The following MIR2052HG variants were observed in gnomAD, a reference collection of about 807,000 sequenced individuals.
The protein encoded by MIR2052HG is MIR2052 host gene.
chr8:74,725,496 C>T (rs911501971), intron 4 of MIR2052HG, among the ~76,000 whole-genome samples: 4 of 152,188 alleles, frequency 2.6e-5, no homozygotes, highest in Admixed American at 6.5e-5. Context: ...GGCTACTTGA[C>T]AGAGTTAGAA....
intron 4 of MIR2052HG, chr8:74,752,355 C>T: frequency 2.6e-6 from 1 of 380,384 alleles, no homozygotes; most frequent in Non-Finnish European, 5.2e-6. Context: ...AGGCATAGGT[C>T]TCAATTAAAA....
intron 2 of MIR2052HG, among the ~76,000 whole-genome samples, chr8:74,651,290 CTAT>C (rs909964986): frequency 3.7e-4 from 56 of 152,056 alleles, no homozygotes; most frequent in African/African-American, 1.2e-3. Flanking sequence ...TCAAAAACCT[CTAT>C]TCTCTTTAAG....
intron 4 of MIR2052HG, among the ~76,000 whole-genome samples, chr8:74,713,888 T>A (rs1421429300): frequency 6.6e-6 from 1 of 152,104 alleles, no homozygotes; most frequent in Non-Finnish European, 1.5e-5. Flanking sequence ...AAGAGATCAA[T>A]CTTAAGTTGG....
At chr8:74,734,379 A>G (rs1809725823) in intron 4 of MIR2052HG, among the ~76,000 whole-genome samples, 1 of 152,220 alleles carries the variant, frequency 6.6e-6, no homozygotes, top group Admixed American at 6.5e-5. Context: ...TATTTCTATA[A>G]TTCTCAAATG....
chr8:74,668,496 T>C (rs980089334), intron 2 of MIR2052HG, among the ~76,000 whole-genome samples: 1 of 152,190 alleles, frequency 6.6e-6, no homozygotes, highest in Non-Finnish European at 1.5e-5. Context: ...CTGTGTCACA[T>C]AGTTGTAAGA....
At chr8:74,707,130 A>G (rs1326718811) in intron 4 of MIR2052HG, among the ~76,000 whole-genome samples, 1 of 152,132 alleles carries the variant, frequency 6.6e-6, no homozygotes. Context: ...AGAATTTGTG[A>G]GTTAAAATTC....
intron 4 of MIR2052HG, among the ~76,000 whole-genome samples, chr8:74,712,612 T>C (rs561898530): frequency 4.6e-5 from 7 of 152,138 alleles, no homozygotes; most frequent in Non-Finnish European, 8.8e-5. Context: ...TTCAGTTCAC[T>C]TGAAATTGTA....
chr8:74,691,527 A>C (rs1809239304), intron 2 of MIR2052HG, among the ~76,000 whole-genome samples: 1 of 152,202 alleles, frequency 6.6e-6, no homozygotes, highest in African/African-American at 2.4e-5. Flanking sequence ...AGTTTTCTGC[A>C]ACTAGGGGCA....
At chr8:74,752,447 G>T (rs556239386) in exon 5 of MIR2052HG, 1 of 444,182 alleles carries the variant, frequency 2.3e-6, no homozygotes, top group Non-Finnish European at 4.5e-6. Context: ...CTAGGCCCGC[G>T]TTCAGTCCAG....
At chr8:74,611,233 C>T (rs1808190224) in intron 1 of MIR2052HG, among the ~76,000 whole-genome samples, 1 of 151,938 alleles carries the variant, frequency 6.6e-6, no homozygotes, top group Non-Finnish European at 1.5e-5. Context: ...ATCAATTTTT[C>T]ATTAGGGAAA....
At chr8:74,631,561 T>C (rs1039506989) in intron 2 of MIR2052HG, among the ~76,000 whole-genome samples, 2 of 152,192 alleles carry the variant, frequency 1.3e-5, no homozygotes, top group Non-Finnish European at 2.9e-5. Context: ...ATTTACCTGT[T>C]TAAGGTACTT....
At chr8:74,626,575 C>T (rs891107655) in intron 2 of MIR2052HG, among the ~76,000 whole-genome samples, 28 of 152,084 alleles carry the variant, frequency 1.8e-4, no homozygotes, top group African/African-American at 5.3e-4. Flanking sequence ...AATTCCAGGA[C>T]GTAAGATTGA....
intron 5 of MIR2052HG, chr8:74,757,018 T>A (rs1810012159): frequency 6.6e-6 from 1 of 152,212 alleles, no homozygotes; most frequent in Non-Finnish European, 1.5e-5. Flanking sequence ...AATGTGTGAA[T>A]GAGATGGGTA....
intron 1 of MIR2052HG, among the ~76,000 whole-genome samples, chr8:74,604,679 C>A (rs1459259634): frequency 1.4e-5 from 2 of 146,630 alleles, no homozygotes; most frequent in African/African-American, 5.1e-5. Flanking sequence ...CTGCAACTTC[C>A]GTCTCCCAGA....
chr8:74,637,105 A>C (rs191279391), intron 2 of MIR2052HG, among the ~76,000 whole-genome samples: 1 of 152,296 alleles, frequency 6.6e-6, no homozygotes, highest in African/African-American at 2.4e-5. Flanking sequence ...GAAAGGATTC[A>C]TTTTGTGGAG....
chr8:74,628,976 T>C (rs1247652957), intron 2 of MIR2052HG: 1 of 152,132 alleles, frequency 6.6e-6, no homozygotes, highest in Admixed American at 6.6e-5. Context: ...AGCATTTTAC[T>C]TGAAAAAAAT....
At chr8:74,724,247 T>TAA (rs111380625) in intron 4 of MIR2052HG, among the ~76,000 whole-genome samples, 9 of 150,096 alleles carry the variant, frequency 6.0e-5, no homozygotes, top group Admixed American at 1.3e-4. Flanking sequence ...GCAGAAACTT[T>TAA]AAAAAAAAAA....
At chr8:74,683,824 A>G (rs1366207063) in intron 2 of MIR2052HG, among the ~76,000 whole-genome samples, 1 of 152,020 alleles carries the variant, frequency 6.6e-6, no homozygotes, top group African/African-American at 2.4e-5. Context: ...GGCTGGTTCT[A>G]GCTCTCCTCT....
intron 2 of MIR2052HG, among the ~76,000 whole-genome samples, chr8:74,642,343 T>C (rs536019614): frequency 1.3e-5 from 2 of 152,286 alleles, no homozygotes; most frequent in African/African-American, 4.8e-5. Context: ...GCTTGCTTTA[T>C]ATGTGTAATT....
Sources: gnomAD v4.1 joint callset for allele counts (sites outside exome capture counted in the v4.1 genomes callset) on GRCh38, gnomAD v4.1.1 for gene constraint, MANE v1.5 for transcripts, NCBI Gene and HGNC (gene_info 2026-07-23, HGNC 2026-07-21) for gene names.